Variants in ARHGAP18 observed in about 807,000 individuals in gnomAD.
ARHGAP18 encodes the protein rho GTPase-activating protein 18.
A neutral mutation model predicts 86.2 loss-of-function variants in ARHGAP18; 67 were observed. That is an observed-to-expected ratio of 0.78 (90% CI 0.64 to 0.95). The LOEUF (loss-of-function observed/expected upper bound fraction) is 0.95. ARHGAP18 is among the 40% of genes least tolerant of loss of function. The probability of loss-of-function intolerance (pLI) is 0.00; values close to 1 mark genes in which losing one functional copy is unlikely to be tolerated. For missense variants in ARHGAP18, 691 were observed against 780.4 expected, an observed-to-expected ratio of 0.89 and a Z score of 1.37; for synonymous variants, 283 against 280.4, an observed-to-expected ratio of 1.01 and a Z score of -0.09.
intron 1 of ARHGAP18, among the ~76,000 whole-genome samples, chr6:129,686,978 C>CTTTTTTTTTTTTTTTTTTTT (rs71028176): frequency 2.8e-5 from 3 of 106,934 alleles, no homozygotes; most frequent in Non-Finnish European, 5.7e-5. Flanking sequence ...TTTTTTTTTT[C>CTTTTTTTTTTTTTTTTTTTT]TTTTTTTTTT....
At chr6:129,686,690 TAA>T (rs1470597315) in intron 1 of ARHGAP18, among the ~76,000 whole-genome samples, 2 of 152,194 alleles carry the variant, frequency 1.3e-5, no homozygotes, top group African/African-American at 4.8e-5. Flanking sequence ...TTACAAGTTA[TAA>T]GTTATATGGA....
At chr6:129,580,806 T>G (rs762802233) in intron 13 of ARHGAP18, among the ~76,000 whole-genome samples, 1 of 151,938 alleles carries the variant, frequency 6.6e-6, no homozygotes, top group Admixed American at 6.6e-5. Context: ...GCCCAGGAGA[T>G]GGATGTTGCA....
intron 12 of ARHGAP18, among the ~76,000 whole-genome samples, chr6:129,597,193 T>C (rs1419996107): frequency 6.6e-6 from 1 of 151,690 alleles, no homozygotes; most frequent in Admixed American, 6.6e-5. Context: ...TCACCCAAAC[T>C]GGAGTGCAGT....
chr6:129,685,916 G>A (rs1016178444), intron 1 of ARHGAP18, among the ~76,000 whole-genome samples: 2 of 152,128 alleles, frequency 1.3e-5, no homozygotes, highest in Non-Finnish European at 2.9e-5. Context: ...AACCCTGCCT[G>A]TATGTTGGCA....
intron 1 of ARHGAP18, among the ~76,000 whole-genome samples, chr6:129,676,333 G>C (rs767895011): frequency 6.6e-6 from 1 of 152,154 alleles, no homozygotes; most frequent in Admixed American, 6.5e-5. Flanking sequence ...AGTTGCAGAG[G>C]GGGGGCAACA....
chr6:129,614,662 GTGA>G (rs1259932773), intron 7 of ARHGAP18, among the ~76,000 whole-genome samples: 1 of 152,028 alleles, frequency 6.6e-6, no homozygotes, highest in Non-Finnish European at 1.5e-5. Flanking sequence ...TTTCTGTGGT[GTGA>G]TGGTGAATTT....
At chr6:129,637,954 A>G (rs1773368401) in intron 3 of ARHGAP18, among the ~76,000 whole-genome samples, 1 of 152,212 alleles carries the variant, frequency 6.6e-6, no homozygotes, top group African/African-American at 2.4e-5. Context: ...TTCAGCTGCA[A>G]TTAGCTCCCT....
chr6:129,698,275 T>C (rs1337234030), intron 1 of ARHGAP18, among the ~76,000 whole-genome samples: 1 of 152,204 alleles, frequency 6.6e-6, no homozygotes, highest in African/African-American at 2.4e-5. Context: ...TAATTTAAAA[T>C]TTAAGATATC....
intron 8 of ARHGAP18, among the ~76,000 whole-genome samples, chr6:129,610,750 C>A (rs914969680): frequency 6.6e-6 from 1 of 152,166 alleles, no homozygotes; most frequent in African/African-American, 2.4e-5. Flanking sequence ...GCCTCAGCCT[C>A]CTGAGTAGCT....
At chr6:129,625,281 G>T (rs184774930) in intron 5 of ARHGAP18, among the ~76,000 whole-genome samples, 1 of 44,420 alleles carries the variant, frequency 2.3e-5, no homozygotes, top group Non-Finnish European at 3.9e-5. Context: ...ATATTTATAT[G>T]TAATATATAT....
intron 1 of ARHGAP18, among the ~76,000 whole-genome samples, chr6:129,650,724 C>T (rs1773692095): frequency 6.6e-6 from 1 of 152,316 alleles, no homozygotes; most frequent in Admixed American, 6.5e-5. Context: ...ATACCCTGGA[C>T]CTGATGTTCT....
At chr6:129,666,166 G>C (rs1036740728) in intron 1 of ARHGAP18, among the ~76,000 whole-genome samples, 1 of 152,084 alleles carries the variant, frequency 6.6e-6, no homozygotes, top group Non-Finnish European at 1.5e-5. Context: ...AGGAGCACCA[G>C]GGAGCAGCAG....
intron 1 of ARHGAP18, among the ~76,000 whole-genome samples, chr6:129,643,242 A>G (rs909979258): frequency 3.3e-5 from 5 of 152,158 alleles, no homozygotes; most frequent in Non-Finnish European, 7.4e-5. Flanking sequence ...TCCCCACCCA[A>G]ATCTCATCTT....
intron 12 of ARHGAP18, among the ~76,000 whole-genome samples, chr6:129,592,339 C>T (rs531587470): frequency 2.0e-5 from 3 of 152,058 alleles, no homozygotes; most frequent in Non-Finnish European, 2.9e-5. Context: ...CATAAAGGCA[C>T]GCAACCCTGG....
chr6:129,624,839 G>T lies in ARHGAP18; in HGVS notation c.786+4514C>A, dbSNP rs183085279. Reference sequence around the variant, plus strand: ...GGGCACCTATAATCCCAGCTCTTTGGGAGGCTGAGGCAGGAGAATTGCTTG... The same window carrying T: ...GGGCACCTATAATCCCAGCTCTTTGTGAGGCTGAGGCAGGAGAATTGCTTG... On this transcript the variant is annotated intron_variant, in intron 5 of 14. Transcript: ENST00000368149. Among the ~76,000 whole-genome samples, 295 of 150,146 alleles carry T rather than the reference G, an allele frequency of 2.0e-3. 3 individuals carry two copies. The highest frequency in any genetic ancestry group is 6.9e-3 in the African/African-American group (281 of 40,682).
chr6:129,598,302 T>C (rs1444287373), intron 12 of ARHGAP18, among the ~76,000 whole-genome samples: 1 of 152,348 alleles, frequency 6.6e-6, no homozygotes, highest in Non-Finnish European at 1.5e-5. Context: ...GAAAGTATCA[T>C]TTTTTAAGAG....
chr6:129,655,446 G>A (rs539790163), intron 1 of ARHGAP18, among the ~76,000 whole-genome samples: 17 of 152,100 alleles, frequency 1.1e-4, no homozygotes, highest in African/African-American at 3.1e-4. Flanking sequence ...GCAGAAGTCA[G>A]TATTTATGCT....
intron 7 of ARHGAP18, 38 bp downstream of exon 7, chr6:129,616,174 T>TACTTAAGCTA: frequency 6.8e-7 from 1 of 1,469,478 alleles, no homozygotes. Flanking sequence ...TTAGCTTAAG[T>TACTTAAGCTA]ATGTTCTCTC....
chr6:129,667,972 G>T (rs929829810), intron 1 of ARHGAP18, among the ~76,000 whole-genome samples: 1 of 152,180 alleles, frequency 6.6e-6, no homozygotes, highest in African/African-American at 2.4e-5. Flanking sequence ...TCAAAAGGAA[G>T]TAAAATGGAA....
Sources: allele counts gnomAD v4.1 joint callset (sites outside exome capture counted in the v4.1 genomes callset), GRCh38; gene constraint gnomAD v4.1.1; transcripts MANE v1.5; gene names NCBI Gene and HGNC (gene_info 2026-07-23, HGNC 2026-07-21).